The following MOK variants were observed in gnomAD, a reference collection of about 807,000 sequenced individuals.
MOK encodes the protein MOK protein kinase.
In MOK, 59 loss-of-function variants were observed where a neutral mutation model predicts 54.2. The ratio of observed to expected loss-of-function variants is 1.09; its 90% CI spans 0.88 to 1.35. The LOEUF is 1.35. Among genes scored for constraint, MOK ranks in the 40% most tolerant of loss-of-function variants. The pLI is 0.00. For synonymous variants in MOK, 210 were observed against 202.7 expected (o/e 1.04, Z -0.31); for missense variants, 517 against 526.2 (o/e 0.98, Z 0.17).
rs1350941583 is a variant in MOK at position 102,235,531 on chromosome 14, C to A, written c.591-1742G>T. The A allele has an allele frequency of 6.6e-6, 1 of 152,226 alleles. No individual in the cohort carries two copies. Among genetic ancestry groups the A allele is most frequent in the Non-Finnish European group, 1.5e-5 (1 of 68,052 alleles). The allele number at this position is 152,226 out of a possible 1,614,324, so 9.4% of individuals were successfully genotyped here. ...AGAAGAGCGTACCTGGGCGTATCAA[C>A]CCACAGGCCCCTGCCAGACCTCCTG... On this transcript the variant is annotated intron_variant, in intron 7 of 11. Transcript: ENST00000361847. This position sits in a 1 kb window ranked among gnomAD's most constrained non-coding sequence, Gnocchi z 4.4.
rs760522795 is a variant in MOK, at chr14:102,304,949, C to A, written c.7+13G>T. ...GCTCTCCAGTCCCTGCCCCTTTCCC[C>A]GGCCCCACTCACTCTTCATCTTGGA... is the stretch of plus-strand genomic sequence containing the variant. On this transcript the variant is annotated intron_variant, in intron 1 of 11. Transcript: ENST00000361847. 1 of 1,608,216 alleles carries A rather than the reference C, an allele frequency of 6.2e-7. No individual in the cohort carries two copies. The highest frequency in any genetic ancestry group is 8.5e-7 in the Non-Finnish European group (1 of 1,177,612).
intron 2 of MOK, 58 bp from the exon 3 acceptor site, chr14:102,265,970 G>A (rs1472891211): frequency 1.6e-6 from 2 of 1,216,348 alleles, no homozygotes; most frequent in Non-Finnish European, 2.4e-6. Flanking sequence ...TTCAAAATTA[G>A]AGTTACTTAT....
rs1300032282 is a variant in MOK, at chr14:102,230,894, C to G, written c.981+813G>C. On this transcript the variant is annotated intron_variant, in intron 10 of 11. Coordinates refer to ENST00000361847, the MANE Select transcript of MOK (RefSeq NM_014226.3). The surrounding 1 kb of genome is among the most constrained non-coding windows in gnomAD (Gnocchi z 4.1). ...GGTTTCAGCAAGTCTGTCTTTCGGACATTCAAGTGGAGCTGTCAAATCAGG... is the reference window on the plus strand; with the variant it reads ...GGTTTCAGCAAGTCTGTCTTTCGGAGATTCAAGTGGAGCTGTCAAATCAGG... 6.6e-6 allele frequency: 1 copy of G among 152,316 alleles called. No homozygotes were observed. The highest frequency in any genetic ancestry group is 1.5e-5 in the Non-Finnish European group (1 of 68,122). The allele number at this position is 152,316 out of a possible 1,614,324, so 9.4% of individuals were successfully genotyped here. A position where few individuals can be genotyped will look rare whatever the true frequency, so the allele number is the denominator to read the frequency against.
rs757540983 is a variant in MOK, at chr14:102,252,046, CT to C, written c.284-52del. On this transcript the variant is annotated intron_variant, in intron 4 of 11. Transcript: ENST00000361847. ...TACGGTTACTGATGGTACATATCCT[CT>C]TTTTTGAAATAAAAATAATCTATTT... 1.0e-5 allele frequency: 10 copies of C among 1,002,686 alleles called. 1 individual carries two copies. The African/African-American group carries it at 1.3e-4, about 13-fold the overall frequency. The allele number at this position is 1,002,686 out of a possible 1,614,324, so 62.1% of individuals were successfully genotyped here. A position where few individuals can be genotyped will look rare whatever the true frequency, so the allele number is the denominator to read the frequency against.
chr14:102,217,058 G>A, the MOK span, among the ~76,000 whole-genome samples: 1 of 152,180 alleles, frequency 6.6e-6, no homozygotes, highest in African/African-American at 2.4e-5. Context: ...CCCCTTCCAG[G>A]GTCAGTGGCC....
Position 102,297,619 on chromosome 14 carries a change from G to A in MOK, c.7+7343C>T, listed in dbSNP as rs538640449. Among the ~76,000 whole-genome samples, 38 of 152,322 alleles carry A rather than the reference G, an allele frequency of 2.5e-4. 1 individual carries two copies. The highest frequency in any genetic ancestry group is 6.5e-4 in the African/African-American group (27 of 41,574). On this transcript the variant is annotated intron_variant, in intron 1 of 11. Transcript: ENST00000361847. ...GTGGGAGCCCCTCCCTGGGCTGGCC[G>A]GGGCCAGAGCCGGCTCCCTCAGCTT... is the stretch of plus-strand genomic sequence containing the variant.
At chr14:102,274,189 C>T (rs1203082659) in intron 2 of MOK, among the ~76,000 whole-genome samples, 3 of 151,332 alleles carry the variant, frequency 2.0e-5, no homozygotes, top group Admixed American at 6.6e-5. Flanking sequence ...GACCTCCTGA[C>T]CTCATGATCT....
In MOK at chr14:102,233,706, A is replaced by C; in HGVS notation, c.674T>G (p.Ile225Ser). 1 of 1,613,474 alleles carries C rather than the reference A, an allele frequency of 6.2e-7. No individual in the cohort carries two copies. Among genetic ancestry groups the C allele is most frequent in the Non-Finnish European group, 8.5e-7 (1 of 1,179,448 alleles). Reference protein sequence around the residue: ...HDVIGTPAQKILTKFKQSRAM... With the variant: ...HDVIGTPAQKSLTKFKQSRAM... ...TACTTACTGTTTGAACTTGGTGAGG[A>C]TCTTCTGAGCGGGTGTGCCGATGAC... Residue 225 changes from isoleucine to serine, a missense_variant, in exon 8 of 12, where the codon ATC becomes AGC. Coordinates refer to ENST00000361847, the MANE Select transcript of MOK (RefSeq NM_014226.3).
rs2064876559 is a variant in MOK, at chr14:102,232,997, A to C, written c.693-289T>G. The C allele has an allele frequency of 4.0e-6, 1 of 249,114 alleles. No individual in the cohort carries two copies. Among genetic ancestry groups the C allele is most frequent in the Admixed American group, 5.4e-5 (1 of 18,536 alleles). 15.4% of individuals were successfully genotyped at this position (249,114 alleles called of 1,614,324 possible). ...GCACATGGGGACAGGGCTCTATGGA[A>C]ACCTAAAACTGCTCTTAAAAAAATC... On this transcript the variant is annotated intron_variant, in intron 8 of 11. Coordinates refer to ENST00000361847, the MANE Select transcript of MOK (RefSeq NM_014226.3). This position sits in a 1 kb window ranked among gnomAD's most constrained non-coding sequence, Gnocchi z 5.1.
the MOK span, among the ~76,000 whole-genome samples, chr14:102,216,668 G>T: frequency 6.6e-6 from 1 of 152,220 alleles, no homozygotes; most frequent in African/African-American, 2.4e-5. Flanking sequence ...GGTGGCTCAT[G>T]CCTGTAATCC....
intron 4 of MOK, among the ~76,000 whole-genome samples, chr14:102,255,112 G>A (rs553449573): frequency 2.4e-4 from 36 of 152,310 alleles, no homozygotes; most frequent in South Asian, 8.3e-4. Flanking sequence ...GAGGTCCGGA[G>A]ATCGAGACCA....
chr14:102,301,085 T>C (rs2072141475), intron 1 of MOK, among the ~76,000 whole-genome samples: 1 of 151,884 alleles, frequency 6.6e-6, no homozygotes, highest in East Asian at 1.9e-4. Flanking sequence ...GCCAACAGAG[T>C]GAGACTCCAT....
At chr14:102,243,057 A>G (rs1464861254) in intron 7 of MOK, among the ~76,000 whole-genome samples, 1 of 152,160 alleles carries the variant, frequency 6.6e-6, no homozygotes, top group African/African-American at 2.4e-5. Context: ...CTATCTTGGC[A>G]TAATTCTTCA....
Position 102,232,375 on chromosome 14 carries a change from G to T in MOK, c.866+160C>A. 1.4e-6 allele frequency: 1 copy of T among 726,250 alleles called. No homozygotes were observed. Among genetic ancestry groups the T allele is most frequent in the East Asian group, 2.7e-5 (1 of 36,516 alleles). The allele number at this position is 726,250 out of a possible 1,614,324, so 45.0% of individuals were successfully genotyped here. A position where few individuals can be genotyped will look rare whatever the true frequency, so the allele number is the denominator to read the frequency against. Reference sequence around the variant, plus strand: ...GGGAGGATACACCAGAAGGCAGCACGGTGTGGGCCCCAAGAGGCCCTGACC... The same window carrying T: ...GGGAGGATACACCAGAAGGCAGCACTGTGTGGGCCCCAAGAGGCCCTGACC... On this transcript the variant is annotated intron_variant, in intron 9 of 11. Coordinates refer to ENST00000361847, the MANE Select transcript of MOK (RefSeq NM_014226.3). The surrounding 1 kb of genome is among the most constrained non-coding windows in gnomAD (Gnocchi z 5.1).
At chr14:102,271,007 C>T (rs1567203239) in intron 2 of MOK, among the ~76,000 whole-genome samples, 2 of 152,272 alleles carry the variant, frequency 1.3e-5, no homozygotes, top group Admixed American at 6.5e-5. Context: ...GCCTGGCCAA[C>T]ATGATGAAAC....
chr14:102,296,754 C>G (rs1270163449), intron 1 of MOK, among the ~76,000 whole-genome samples: 1 of 151,956 alleles, frequency 6.6e-6, no homozygotes, highest in Non-Finnish European at 1.5e-5. Flanking sequence ...ACCCTCATCT[C>G]TAAAAAAATA....
intron 1 of MOK, among the ~76,000 whole-genome samples, chr14:102,290,206 G>A (rs1018704679): frequency 1.3e-5 from 2 of 150,690 alleles, no homozygotes; most frequent in African/African-American, 4.9e-5. Context: ...TTGGAAGGCC[G>A]AGGTGGGCAG....
chr14:102,268,299 G>T (rs1419105188), intron 2 of MOK, among the ~76,000 whole-genome samples: 1 of 151,940 alleles, frequency 6.6e-6, no homozygotes, highest in Non-Finnish European at 1.5e-5. Context: ...CTAGATATCA[G>T]GATCTAGCAA....
downstream of MOK, among the ~76,000 whole-genome samples, chr14:102,228,377 T>C (rs1254306513): frequency 6.6e-6 from 1 of 152,138 alleles, no homozygotes; most frequent in East Asian, 1.9e-4. Flanking sequence ...GTGTGTTCCT[T>C]TCTGAATGGT....
Sources: allele counts gnomAD v4.1 joint callset (sites outside exome capture counted in the v4.1 genomes callset), GRCh38; gene constraint gnomAD v4.1.1; non-coding constraint Gnocchi (gnomAD v3.1); transcripts MANE v1.5; gene names NCBI Gene and HGNC (gene_info 2026-07-23, HGNC 2026-07-21).